The following SLC39A10 variants were observed in gnomAD, a reference collection of about 807,000 sequenced individuals.
SLC39A10 encodes solute carrier family 39 member 10.
In SLC39A10, 13 loss-of-function variants were observed where a neutral mutation model predicts 65.1. The ratio of observed to expected loss-of-function variants is 0.20; its 90% CI spans 0.13 to 0.32. The LOEUF (loss-of-function observed/expected upper bound fraction) is 0.32. SLC39A10 is among the 10% of genes least tolerant of loss of function. SLC39A10 has a pLI of 1.00. For synonymous variants in SLC39A10, 321 were observed against 342.2 expected (o/e 0.94, Z 0.68); for missense variants, 831 against 1,018.4 (o/e 0.82, Z 2.50).
intron 4 of SLC39A10, among the ~76,000 whole-genome samples, chr2:195,707,105 T>C (rs1344203078): frequency 6.6e-6 from 1 of 152,212 alleles, no homozygotes; most frequent in Non-Finnish European, 1.5e-5. Context: ...GCATAAGATA[T>C]GTTGTAATGA....
chr2:195,717,140 T>C, intron 7 of SLC39A10, 135 bp downstream of exon 7: 1 of 1,196,972 alleles, frequency 8.4e-7, no homozygotes, highest in Non-Finnish European at 1.2e-6. Context: ...GCTACAGTTT[T>C]GTGTTCAGTT....
intron 2 of SLC39A10, among the ~76,000 whole-genome samples, chr2:195,613,434 T>C (rs981628205): frequency 6.6e-6 from 1 of 152,228 alleles, no homozygotes; most frequent in Admixed American, 6.5e-5. Flanking sequence ...GCATGCTTTA[T>C]AAAATTACAA....
chr2:195,666,200 A>G (rs1177164788), intron 1 of SLC39A10, among the ~76,000 whole-genome samples: 1 of 152,152 alleles, frequency 6.6e-6, no homozygotes, highest in Non-Finnish European at 1.5e-5. Flanking sequence ...CATGTTGGGG[A>G]ATAAGTAGCC....
chr2:195,622,367 T>TA (rs1355333524), intron 2 of SLC39A10, among the ~76,000 whole-genome samples: 1 of 151,800 alleles, frequency 6.6e-6, no homozygotes, highest in Non-Finnish European at 1.5e-5. Context: ...ACCCTGTCTC[T>TA]AAAAAAATAA....
At chr2:195,710,395 GGATGGTCAAGATCTTAAA>G (rs1691563766) in intron 5 of SLC39A10, among the ~76,000 whole-genome samples, 1 of 151,982 alleles carries the variant, frequency 6.6e-6, no homozygotes, top group Admixed American at 6.6e-5. Context: ...ACCTTTTTTG[GGATGGTCAAGATCTTAAA>G]GATGTGCAGT....
chr2:195,656,951 G>A (rs1689164789), upstream of SLC39A10: 1 of 152,290 alleles, frequency 6.6e-6, no homozygotes, highest in Admixed American at 6.5e-5. Flanking sequence ...CGGAGCCACG[G>A]AACTCCGCAG....
At chr2:195,684,868 T>C (rs1331020128) in intron 3 of SLC39A10, among the ~76,000 whole-genome samples, 1 of 152,202 alleles carries the variant, frequency 6.6e-6, no homozygotes, top group Non-Finnish European at 1.5e-5. Flanking sequence ...TTTTTCTTTA[T>C]AGTGATAGCT....
intron 2 of SLC39A10, among the ~76,000 whole-genome samples, chr2:195,620,104 G>A (rs542616732): frequency 5.9e-5 from 9 of 151,980 alleles, no homozygotes; most frequent in African/African-American, 1.9e-4. Context: ...TTGTATTTTT[G>A]GTAGAGACAG....
At position 195,680,344 on chromosome 2, in the gene SLC39A10, A is replaced by G. The variant is rs1690252862; in HGVS notation, c.302A>G (p.His101Arg). ...GAGAGAAAAGTAGTTGAGATTAATCATGAGGATCTTGGCCACGATCATGTT... is the reference window on the plus strand; with the variant it reads ...GAGAGAAAAGTAGTTGAGATTAATCGTGAGGATCTTGGCCACGATCATGTT... ...LGERKVVEIN[H>R]EDLGHDHVSH... Residue 101 changes from histidine (H) to arginine (R), a missense_variant, in exon 2 of 10, where the codon CAT becomes CGT. Coordinates refer to ENST00000359634, the MANE Select transcript of SLC39A10 (RefSeq NM_020342.3). 1 of 1,614,086 alleles carries G rather than the reference A, an allele frequency of 6.2e-7. No homozygotes were observed. The highest frequency in any genetic ancestry group is 1.1e-5 in the South Asian group (1 of 91,082).
intron 2 of SLC39A10, among the ~76,000 whole-genome samples, chr2:195,625,273 CT>C (rs1322529877): frequency 1.5e-5 from 2 of 133,350 alleles, no homozygotes; most frequent in Non-Finnish European, 1.6e-5. Context: ...AACTTTTTTT[CT>C]TTTTTTTTCT....
Position 195,737,195 on chromosome 2 carries a change from C to G in SLC39A10, c.*2154C>G, listed in dbSNP as rs1195292577. The G allele has an allele frequency of 6.6e-6, 1 of 152,610 alleles. No homozygotes were observed. Among genetic ancestry groups the G allele is most frequent in the Non-Finnish European group, 1.5e-5 (1 of 68,032 alleles). 9.5% of individuals were successfully genotyped at this position (152,610 alleles called of 1,614,324 possible). On this transcript the variant is annotated 3_prime_UTR_variant, in exon 10 of 10. Transcript: ENST00000359634. ...GCTAGTATTAGGGTTCCACATCATT[C>G]TAATGTATAGTTTCAAGTCTTAATA... is the stretch of plus-strand genomic sequence containing the variant.
chr2:195,662,853 G>A (rs974050559), intron 1 of SLC39A10, among the ~76,000 whole-genome samples: 10 of 152,076 alleles, frequency 6.6e-5, no homozygotes, highest in African/African-American at 2.4e-4. Context: ...CTGCTCTTGC[G>A]GTAAAATACT....
Position 195,690,926 on chromosome 2 carries a change from G to A in SLC39A10, c.1216+7020G>A, listed in dbSNP as rs184701531. Reference sequence around the variant, plus strand: ...TTACATGAATAAGTTCTTTAGTGGTGATTTCTGAGATTTTGTTGCACCCAT... The same window carrying A: ...TTACATGAATAAGTTCTTTAGTGGTAATTTCTGAGATTTTGTTGCACCCAT... On this transcript the variant is annotated intron_variant, in intron 3 of 9. Coordinates refer to ENST00000359634, the MANE Select transcript of SLC39A10 (RefSeq NM_020342.3). Among the ~76,000 whole-genome samples the A allele has an allele frequency of 4.7e-4, 72 of 152,208 alleles. No homozygotes were observed. The East Asian group carries it at 9.6e-3, about 20-fold the overall frequency.
intron 2 of SLC39A10, among the ~76,000 whole-genome samples, chr2:195,651,710 A>G (rs1689035817): frequency 6.6e-6 from 1 of 152,094 alleles, no homozygotes; most frequent in Non-Finnish European, 1.5e-5. Context: ...CCTGACCTCA[A>G]GTGATCCACC....
intron 3 of SLC39A10, among the ~76,000 whole-genome samples, chr2:195,705,721 A>G (rs1237651454): frequency 3.3e-5 from 5 of 152,210 alleles, no homozygotes; most frequent in African/African-American, 1.2e-4. Flanking sequence ...CTGTAGATAG[A>G]TCTTAAAATA....
chr2:195,683,155 C>CTTT (rs11386545), intron 2 of SLC39A10, among the ~76,000 whole-genome samples: 1 of 148,116 alleles, frequency 6.8e-6, no homozygotes, highest in Non-Finnish European at 1.5e-5. Flanking sequence ...TTTAAGCTTA[C>CTTT]TTTTTTTTTT....
chr2:195,713,903 A>G (rs934582333), intron 6 of SLC39A10, among the ~76,000 whole-genome samples: 1 of 152,008 alleles, frequency 6.6e-6, no homozygotes, highest in African/African-American at 2.4e-5. Flanking sequence ...TTAATCAGCA[A>G]CAGACCACAG....
rs537898144 is a variant in SLC39A10 at position 195,649,161 on chromosome 2, T to C, written c.-11-30871T>C. On this transcript the variant is annotated intron_variant, in intron 2 of 2. Transcript: ENST00000458054. ...TTGAAAAAACAAAACAAAAAAAGAA[T>C]GACAACAACAACAAAAAGATATGTG... Among the ~76,000 whole-genome samples, 127 of 152,008 alleles carry C rather than the reference T, an allele frequency of 8.4e-4. 2 individuals carry two copies. The South Asian group carries it at 0.026, about 31-fold the overall frequency.
chr2:195,622,095 G>T (rs980860517), intron 2 of SLC39A10, among the ~76,000 whole-genome samples: 3 of 152,150 alleles, frequency 2.0e-5, no homozygotes, highest in Non-Finnish European at 2.9e-5. Flanking sequence ...GCTGGGGGCC[G>T]TGGTTTATGC....
Sources: gnomAD v4.1 joint callset for allele counts (sites outside exome capture counted in the v4.1 genomes callset) on GRCh38, gnomAD v4.1.1 for gene constraint, MANE v1.5 for transcripts, NCBI Gene and HGNC (gene_info 2026-07-23, HGNC 2026-07-21) for gene names.